The following TUSC3 variants were observed in gnomAD, a reference collection of about 807,000 sequenced individuals.
TUSC3 encodes dolichyl-diphosphooligosaccharide--protein glycosyltransferase subunit TUSC3.
A neutral mutation model predicts 44.8 loss-of-function variants in TUSC3; 45 were observed. The observed-to-expected ratio is 1.00, with a 90% confidence interval of 0.79 to 1.29. The LOEUF is 1.29. Among genes scored for constraint, TUSC3 ranks in the 50% most tolerant of loss-of-function variants. The pLI is 0.00. For missense variants in TUSC3, 519 were observed against 437.9 expected, an observed-to-expected ratio of 1.19 and a Z score of -1.65; for synonymous variants, 212 against 152.9, an observed-to-expected ratio of 1.39 and a Z score of -2.85.
At chr8:15,783,808 T>C in the TUSC3 span, among the ~76,000 whole-genome samples, 34 of 152,138 alleles carry the variant, frequency 2.2e-4, no homozygotes, top group African/African-American at 4.8e-5. Context: ...AGTAATTTCT[T>C]GGATATAACT....
At chr8:15,665,849 T>A (rs1807634497) in intron 5 of TUSC3, among the ~76,000 whole-genome samples, 1 of 151,340 alleles carries the variant, frequency 6.6e-6, no homozygotes, top group Admixed American at 6.6e-5. Context: ...GAAAAATTTT[T>A]GTTAACTACT....
chr8:15,579,002 T>C (rs1435389907), intron 1 of TUSC3, among the ~76,000 whole-genome samples: 4 of 152,042 alleles, frequency 2.6e-5, no homozygotes, highest in Non-Finnish European at 5.9e-5. Flanking sequence ...GCTCCTGTTA[T>C]TGGTCTATTC....
At chr8:15,595,215 C>G (rs923087844) in intron 1 of TUSC3, among the ~76,000 whole-genome samples, 30 of 152,194 alleles carry the variant, frequency 2.0e-4, no homozygotes, top group Admixed American at 2.0e-3. Context: ...CAGATAGATA[C>G]TTTTCCCAGC....
chr8:15,427,229 CTT>C (rs765417646), intron 1 of TUSC3, among the ~76,000 whole-genome samples: 17 of 144,754 alleles, frequency 1.2e-4, no homozygotes, highest in African/African-American at 4.3e-4. Context: ...AAGGTTTTTC[CTT>C]TTTTTTTTTT....
intron 10 of TUSC3, among the ~76,000 whole-genome samples, chr8:15,761,231 C>T (rs1812156224): frequency 6.6e-6 from 1 of 152,136 alleles, no homozygotes; most frequent in Admixed American, 6.6e-5. Flanking sequence ...AAATCAAAGA[C>T]AGCATTTTCA....
At position 15,579,141 on chromosome 8, in the gene TUSC3, T is replaced by G. The variant is rs201553046; in HGVS notation, c.138+38573T>G. On this transcript the variant is annotated intron_variant, in intron 1 of 10. Coordinates refer to ENST00000503731, the MANE Select transcript of TUSC3 (RefSeq NM_006765.4). Reference sequence around the variant, plus strand: ...AGTATTCTCTGATATTAGTTTGTATTTCTGTGGGATTGGTGGTGATATCCC... The same window carrying G: ...AGTATTCTCTGATATTAGTTTGTATGTCTGTGGGATTGGTGGTGATATCCC... Among the ~76,000 whole-genome samples, 95 of 151,990 alleles carry G rather than the reference T, an allele frequency of 6.3e-4. No individual in the cohort carries two copies. The East Asian group carries it at 0.017, about 27-fold the overall frequency.
the TUSC3 span, among the ~76,000 whole-genome samples, chr8:15,814,345 T>G: frequency 1.7e-3 from 260 of 152,328 alleles, no homozygotes; most frequent in Admixed American, 3.1e-3. Context: ...TATTTTTGCA[T>G]TACCTGACTT....
intron 1 of TUSC3, among the ~76,000 whole-genome samples, chr8:15,570,881 T>C (rs1802845394): frequency 6.6e-6 from 1 of 151,602 alleles, no homozygotes; most frequent in Non-Finnish European, 1.5e-5. Context: ...TGCCGGATTG[T>C]TCAAAATATA....
At chr8:15,746,694 T>TA (rs1811431410) in intron 8 of TUSC3, among the ~76,000 whole-genome samples, 1 of 151,894 alleles carries the variant, frequency 6.6e-6, no homozygotes. Context: ...ATGGGGCTAC[T>TA]AAAAAGGAGC....
At chr8:15,838,539 C>T in the TUSC3 span, among the ~76,000 whole-genome samples, 17,387 of 152,088 alleles carry the variant, frequency 0.11, 1,040 homozygotes, top group East Asian at 0.25. Flanking sequence ...GGAAGTTGAC[C>T]TTTCAATGGA....
At chr8:15,824,247 A>G in the TUSC3 span, among the ~76,000 whole-genome samples, 1 of 152,204 alleles carries the variant, frequency 6.6e-6, no homozygotes, top group Non-Finnish European at 1.5e-5. Context: ...TGATGCATGA[A>G]TCACTCCACA....
chr8:15,781,791 A>C, the TUSC3 span, among the ~76,000 whole-genome samples: 1 of 152,176 alleles, frequency 6.6e-6, no homozygotes, highest in Non-Finnish European at 1.5e-5. Flanking sequence ...AACTCATCTT[A>C]TGAGGCCAGA....
intron 6 of TUSC3, among the ~76,000 whole-genome samples, chr8:15,729,608 A>G (rs936360679): frequency 6.6e-6 from 1 of 152,172 alleles, no homozygotes; most frequent in East Asian, 1.9e-4. Context: ...AAATTAATGC[A>G]GTAACAGAAA....
intron 2 of TUSC3, among the ~76,000 whole-genome samples, chr8:15,630,637 A>G (rs1262028756): frequency 6.6e-6 from 1 of 152,174 alleles, no homozygotes. Context: ...CCTTAAGTGC[A>G]CATATTCATT....
chr8:15,484,868 C>G (rs914927675), intron 2 of TUSC3, among the ~76,000 whole-genome samples: 1 of 152,176 alleles, frequency 6.6e-6, no homozygotes, highest in Non-Finnish European at 1.5e-5. Context: ...CTTCATAAGA[C>G]TACTATGTAT....
intron 2 of TUSC3, among the ~76,000 whole-genome samples, chr8:15,485,984 G>C (rs573875225): frequency 6.6e-6 from 1 of 151,970 alleles, no homozygotes; most frequent in Non-Finnish European, 1.5e-5. Context: ...AGTAGAGTCG[G>C]GGTTTCGCCA....
intron 6 of TUSC3, among the ~76,000 whole-genome samples, chr8:15,715,781 C>T (rs536333359): frequency 6.6e-6 from 1 of 152,010 alleles, no homozygotes; most frequent in East Asian, 1.9e-4. Context: ...AAATGCAAAA[C>T]TCGTGGGCAT....
At chr8:15,712,123 A>G (rs989331573) in intron 6 of TUSC3, among the ~76,000 whole-genome samples, 2 of 151,988 alleles carry the variant, frequency 1.3e-5, no homozygotes, top group African/African-American at 4.8e-5. Context: ...GTACAATCTT[A>G]TTTTACAAGT....
intron 2 of TUSC3, among the ~76,000 whole-genome samples, chr8:15,527,622 C>T (rs1241019094): frequency 6.6e-6 from 1 of 152,086 alleles, no homozygotes; most frequent in Non-Finnish European, 1.5e-5. Context: ...CCAGGCTGTT[C>T]TGAAATGCCT....
Sources: allele counts gnomAD v4.1 joint callset (sites outside exome capture counted in the v4.1 genomes callset), GRCh38; gene constraint gnomAD v4.1.1; transcripts MANE v1.5; gene names NCBI Gene and HGNC (gene_info 2026-07-23, HGNC 2026-07-21).